Variants in GABRB2 observed in about 807,000 individuals in gnomAD.
GABRB2 encodes gamma-aminobutyric acid type A receptor subunit beta2.
In GABRB2, 16 loss-of-function variants were observed where a neutral mutation model predicts 54.7. The observed-to-expected ratio is 0.29, with a 90% CI of 0.20 to 0.44. GABRB2 has a LOEUF of 0.44. GABRB2 is among the 20% of genes least tolerant of loss of function. GABRB2 has a pLI of 1.00. For missense variants in GABRB2, 355 were observed against 644.0 expected, an observed-to-expected ratio of 0.55 and a Z score of 4.86; for synonymous variants, 244 against 233.8, an observed-to-expected ratio of 1.04 and a Z score of -0.40.
rs558808952 is a variant in GABRB2 at position 161,458,556 on chromosome 5, G to T, written c.458+1068C>A. ...CAAAGCAGAAAATAAAAATGAGATA[G>T]AATAGACAAGAAATATGTGGAATTG... On this transcript the variant is annotated intron_variant, in intron 4 of 9. Coordinates refer to ENST00000393959, the MANE Select transcript of GABRB2 (RefSeq NM_001371727.1). Among the ~76,000 whole-genome samples the T allele has an allele frequency of 1.5e-4, 23 of 152,304 alleles. No homozygotes were observed. The East Asian group carries it at 4.3e-3, about 28-fold the overall frequency.
Position 161,289,053 on chromosome 5 carries a change from A to G in GABRB2, c.*5028T>C, listed in dbSNP as rs1485492998. The G allele has an allele frequency of 1.3e-5, 2 of 152,150 alleles. No individual in the cohort carries two copies. Among genetic ancestry groups the G allele is most frequent in the Non-Finnish European group, 2.9e-5 (2 of 68,016 alleles). The allele number at this position is 152,150 out of a possible 1,614,324, so 9.4% of individuals were successfully genotyped here. A position where few individuals can be genotyped will look rare whatever the true frequency, so the allele number is the denominator to read the frequency against. On this transcript the variant is annotated 3_prime_UTR_variant, in exon 10 of 10. Transcript: ENST00000393959. ...TTAGAGGATGTGACACGGCAGTGAC[A>G]TTTGGTTTGGGAACTCAAAGGACAT...
At chr5:161,406,360 A>G (rs1561639243) in intron 5 of GABRB2, among the ~76,000 whole-genome samples, 1 of 152,042 alleles carries the variant, frequency 6.6e-6, no homozygotes, top group Non-Finnish European at 1.5e-5. Context: ...AATGAGACTT[A>G]CTTGGAATGT....
chr5:161,374,508 A>G (rs535200234), intron 5 of GABRB2, among the ~76,000 whole-genome samples: 2 of 152,254 alleles, frequency 1.3e-5, no homozygotes, highest in Admixed American at 6.5e-5. Context: ...CTAAGATCCA[A>G]TCATTTCTTA....
chr5:161,344,248 T>C (rs1350395034), intron 5 of GABRB2, among the ~76,000 whole-genome samples: 5 of 152,094 alleles, frequency 3.3e-5, no homozygotes, highest in African/African-American at 1.2e-4. Context: ...ATGCTGTCTC[T>C]ATTCAGGGGC....
rs548839505 is a variant in GABRB2, at chr5:161,293,840, G to C, written c.*241C>G. ...ACAGACAACATGGAGCACTCAGGCT[G>C]TCTAGCCACCATGTGTAAAAATCAC... On this transcript the variant is annotated 3_prime_UTR_variant, in exon 10 of 10. Transcript: ENST00000393959. The C allele has an allele frequency of 2.0e-6, 1 of 507,150 alleles. No homozygotes were observed. The highest frequency in any genetic ancestry group is 3.5e-6 in the Non-Finnish European group (1 of 282,326). The allele number at this position is 507,150 out of a possible 1,614,324, so 31.4% of individuals were successfully genotyped here. A position where few individuals can be genotyped will look rare whatever the true frequency, so the allele number is the denominator to read the frequency against.
chr5:161,547,179 T>C (rs1761013212), upstream of GABRB2: 2 of 125,264 alleles, frequency 1.6e-5, no homozygotes, highest in Non-Finnish European at 3.3e-5. Context: ...TAGCATGCCC[T>C]GCCTGGGGCG....
At chr5:161,319,687 A>G (rs184706549) in intron 9 of GABRB2, among the ~76,000 whole-genome samples, 21 of 151,682 alleles carry the variant, frequency 1.4e-4, no homozygotes, top group Admixed American at 1.4e-3. Context: ...CATCTAAATC[A>G]TTTGGAAGTT....
intron 3 of GABRB2, among the ~76,000 whole-genome samples, chr5:161,471,946 A>G (rs1758452545): frequency 6.6e-6 from 1 of 151,812 alleles, no homozygotes; most frequent in East Asian, 1.9e-4. Context: ...TTATTTCATT[A>G]ATCATCACAA....
intron 3 of GABRB2, among the ~76,000 whole-genome samples, chr5:161,515,723 A>G (rs551184319): frequency 6.6e-6 from 1 of 152,306 alleles, no homozygotes; most frequent in African/African-American, 2.4e-5. Flanking sequence ...TTGCTACTCC[A>G]TGGCTGGAAA....
intron 3 of GABRB2, among the ~76,000 whole-genome samples, chr5:161,474,074 G>C (rs1311171725): frequency 6.6e-6 from 1 of 151,992 alleles, no homozygotes; most frequent in African/African-American, 2.4e-5. Context: ...AAAGTCCCAA[G>C]CCCAGGAAAC....
chr5:161,383,269 C>T lies in GABRB2; in HGVS notation c.541+27706G>A, dbSNP rs140424383. Among the ~76,000 whole-genome samples the T allele has an allele frequency of 5.8e-4, 88 of 152,220 alleles. 1 individual carries two copies. The highest frequency in any genetic ancestry group is 3.4e-3 in the Middle Eastern group (1 of 294). On this transcript the variant is annotated intron_variant, in intron 5 of 9. Coordinates refer to ENST00000393959, the MANE Select transcript of GABRB2 (RefSeq NM_001371727.1). ...TTGATCAACATGTCTTCATTTCCTTCGCTCTCCAGGCCTGGGAATCACCAT... is the reference window on the plus strand; with the variant it reads ...TTGATCAACATGTCTTCATTTCCTTTGCTCTCCAGGCCTGGGAATCACCAT...
intron 5 of GABRB2, among the ~76,000 whole-genome samples, chr5:161,360,759 G>A (rs1056465438): frequency 6.6e-6 from 1 of 151,980 alleles, no homozygotes; most frequent in Admixed American, 6.6e-5. Flanking sequence ...CGTATTTCCT[G>A]ATGCAAATAC....
intron 5 of GABRB2, among the ~76,000 whole-genome samples, chr5:161,379,554 T>G (rs1755405722): frequency 6.6e-6 from 1 of 152,200 alleles, no homozygotes; most frequent in Non-Finnish European, 1.5e-5. Flanking sequence ...TAATACATTC[T>G]CAAATTTCAT....
intron 3 of GABRB2, 125 bp from the exon 4 acceptor site, chr5:161,459,969 G>C: frequency 3.3e-6 from 2 of 598,416 alleles, no homozygotes; most frequent in Non-Finnish European, 2.8e-6. Flanking sequence ...TTTTGAGACA[G>C]GGTCTCACTC....
chr5:161,418,947 C>A (rs1756765672), intron 4 of GABRB2, among the ~76,000 whole-genome samples: 2 of 151,948 alleles, frequency 1.3e-5, no homozygotes, highest in African/African-American at 2.4e-5. Flanking sequence ...GGAAGCATGG[C>A]AAAATCCTGT....
intron 4 of GABRB2, among the ~76,000 whole-genome samples, chr5:161,451,710 G>A (rs1757792689): frequency 1.3e-5 from 2 of 151,998 alleles, no homozygotes; most frequent in Non-Finnish European, 2.9e-5. Flanking sequence ...ATGGTGAGGA[G>A]GGTTTTATTG....
intron 3 of GABRB2, among the ~76,000 whole-genome samples, chr5:161,484,565 A>G (rs1581024870): frequency 6.6e-6 from 1 of 152,000 alleles, no homozygotes; most frequent in African/African-American, 2.4e-5. Flanking sequence ...GGAAACTGAA[A>G]GTAATGCTTA....
At chr5:161,518,046 G>C (rs950066029) in intron 3 of GABRB2, among the ~76,000 whole-genome samples, 1 of 152,146 alleles carries the variant, frequency 6.6e-6, no homozygotes, top group African/African-American at 2.4e-5. Flanking sequence ...CTGACCTCGT[G>C]ATCGGCCCGC....
At chr5:161,439,863 T>C (rs934504967) in intron 4 of GABRB2, among the ~76,000 whole-genome samples, 4 of 151,984 alleles carry the variant, frequency 2.6e-5, no homozygotes, top group Non-Finnish European at 4.4e-5. Context: ...GAATAGCTAA[T>C]GGATGCTGGG....
Sources: gnomAD v4.1 joint callset for allele counts (sites outside exome capture counted in the v4.1 genomes callset) on GRCh38, gnomAD v4.1.1 for gene constraint, MANE v1.5 for transcripts, NCBI Gene and HGNC (gene_info 2026-07-23, HGNC 2026-07-21) for gene names.